The following AGR3 variants were observed in gnomAD, a reference collection of about 807,000 sequenced individuals.
The protein encoded by AGR3 is anterior gradient protein 3.
AGR3 carries 37 observed loss-of-function variants against 24.5 expected under a neutral mutation model. The observed-to-expected ratio is 1.51, with a 90% CI of 1.16 to 1.99. The LOEUF (loss-of-function observed/expected upper bound fraction) is 1.99, where lower values mean the gene tolerates loss of function less well. AGR3 is among the 30% of genes most tolerant of loss of function. The probability of loss-of-function intolerance (pLI) is 0.00; values close to 1 mark genes in which losing one functional copy is unlikely to be tolerated. For synonymous variants in AGR3, 75 were observed against 61.6 expected (o/e 1.22, Z -1.02); for missense variants, 228 against 191.1 (o/e 1.19, Z -1.14).
chr7:16,863,911 G>A (rs1781698657), intron 3 of AGR3, among the ~76,000 whole-genome samples: 1 of 151,610 alleles, frequency 6.6e-6, no homozygotes, highest in South Asian at 2.1e-4. Context: ...CTAAACTCTT[G>A]TATAGTTCAT....
chr7:16,880,324 C>G (rs919645252), intron 1 of AGR3, among the ~76,000 whole-genome samples: 1 of 151,834 alleles, frequency 6.6e-6, no homozygotes, highest in African/African-American at 2.4e-5. Flanking sequence ...TCATGCCCGG[C>G]TAATTTTTGT....
chr7:16,871,514 GA>G (rs1267326321), intron 3 of AGR3, among the ~76,000 whole-genome samples: 1 of 151,866 alleles, frequency 6.6e-6, no homozygotes, highest in Non-Finnish European at 1.5e-5. Context: ...CAAACTAGCT[GA>G]AAAAAAGAAA....
chr7:16,876,032 A>C (rs184962525), intron 2 of AGR3, among the ~76,000 whole-genome samples: 114 of 152,330 alleles, frequency 7.5e-4, no homozygotes, highest in African/African-American at 2.6e-3. Flanking sequence ...CTCCTGCTCA[A>C]TTTAGTTCCA....
chr7:16,873,980 A>G (rs1342404073), intron 2 of AGR3, 137 bp from the exon 3 acceptor site: 12 of 706,692 alleles, frequency 1.7e-5, no homozygotes, highest in Non-Finnish European at 2.9e-5. Flanking sequence ...GGTGCAGAGG[A>G]CACACAATTT....
chr7:16,865,953 CT>C, intron 3 of AGR3: 1 of 691,424 alleles, frequency 1.4e-6, no homozygotes, highest in Non-Finnish European at 2.7e-6. Flanking sequence ...AAGACTTGAG[CT>C]TTTTACCAGG....
At chr7:16,864,592 C>G in intron 3 of AGR3, 1 of 1,487,826 alleles carries the variant, frequency 6.7e-7, no homozygotes, top group Non-Finnish European at 9.4e-7. Context: ...AGCTTGATTT[C>G]TCATTGGAAT....
At chr7:16,865,424 C>G (rs186666309) in intron 3 of AGR3, 1 of 906,354 alleles carries the variant, frequency 1.1e-6, no homozygotes, top group Admixed American at 1.8e-5. Context: ...GAAATTTCAT[C>G]GTAATTGTTG....
chr7:16,880,142 C>A (rs1782081182), intron 1 of AGR3, among the ~76,000 whole-genome samples: 1 of 132,782 alleles, frequency 7.5e-6, no homozygotes, highest in Non-Finnish European at 1.7e-5. Context: ...TTCTCTCTCT[C>A]TTTCTTTCTT....
downstream of AGR3, among the ~76,000 whole-genome samples, chr7:16,859,243 T>A (rs891893634): frequency 1.2e-3 from 168 of 141,938 alleles, 1 homozygote; most frequent in African/African-American, 3.9e-3. Context: ...AAAAAAAAAA[T>A]TTAGAAAATT....
downstream of AGR3, among the ~76,000 whole-genome samples, chr7:16,858,530 A>C (rs1360629181): frequency 1.3e-5 from 2 of 152,138 alleles, no homozygotes; most frequent in African/African-American, 4.8e-5. Flanking sequence ...AAGTAGTTAC[A>C]CTTTTCTTAA....
chr7:16,879,548 A>C (rs10249546), intron 1 of AGR3, among the ~76,000 whole-genome samples: 33,463 of 152,130 alleles, frequency 0.22, 3,773 homozygotes, highest in Middle Eastern at 0.27. Context: ...TTGAAACTTT[A>C]CCTCAAAATA....
rs1359430411 is a variant in AGR3, at chr7:16,864,519, T to A, written c.174-1857A>T. 13 of 1,291,564 alleles carry A rather than the reference T, an allele frequency of 1.0e-5. No individual in the cohort carries two copies. The East Asian group carries it at 3.0e-4, about 30-fold the overall frequency. The allele number at this position is 1,291,564 out of a possible 1,614,324, so 80.0% of individuals were successfully genotyped here. ...GTTCCCTGTCAGTCAGGGCTTCCATTTTCAGTCTTCCGAAGTGTTGCTTCA... is the reference window on the plus strand; with the variant it reads ...GTTCCCTGTCAGTCAGGGCTTCCATATTCAGTCTTCCGAAGTGTTGCTTCA... On this transcript the variant is annotated intron_variant, in intron 3 of 7. Transcript: ENST00000310398.
downstream of AGR3, among the ~76,000 whole-genome samples, chr7:16,856,853 A>G (rs1162921511): frequency 6.6e-6 from 1 of 152,036 alleles, no homozygotes; most frequent in Non-Finnish European, 1.5e-5. Context: ...ACACACACAC[A>G]CACACATTCA....
chr7:16,871,393 T>G (rs1043403022), intron 3 of AGR3, among the ~76,000 whole-genome samples: 3 of 152,206 alleles, frequency 2.0e-5, no homozygotes, highest in Non-Finnish European at 4.4e-5. Context: ...AAAACTAAAA[T>G]GCTTTTTTTT....
intron 7 of AGR3, 112 bp from the exon 8 acceptor site, chr7:16,859,743 T>A: frequency 1.6e-6 from 1 of 644,782 alleles, no homozygotes; most frequent in Non-Finnish European, 2.6e-6. Context: ...GCTTTGAACA[T>A]GGGAATTCGT....
At chr7:16,861,505 A>C in intron 5 of AGR3, 58 bp from the exon 6 acceptor site, 5 of 1,464,004 alleles carry the variant, frequency 3.4e-6, no homozygotes, top group Non-Finnish European at 4.7e-6. Flanking sequence ...TGATAGTTTC[A>C]AGATGATTTT....
chr7:16,866,009 C>G (rs757629740), intron 3 of AGR3: 28 of 655,472 alleles, frequency 4.3e-5, no homozygotes, highest in Non-Finnish European at 7.4e-5. Context: ...CAAGTTCATG[C>G]TAACTTTCTG....
downstream of AGR3, among the ~76,000 whole-genome samples, chr7:16,856,001 C>G (rs1457752752): frequency 6.6e-6 from 1 of 152,070 alleles, no homozygotes; most frequent in Non-Finnish European, 1.5e-5. Context: ...ATACATTCTC[C>G]TTTCATTCAG....
chr7:16,862,668 C>T lies in AGR3; in HGVS notation c.174-6G>A, dbSNP rs1583835943. On this transcript the variant is annotated splice_region_variant and splice_polypyrimidine_tract_variant and intron_variant, in intron 3 of 7. Transcript: ENST00000310398. ...TAACCATTAATGGCTTCTTACTAAA[C>T]AAAGAAAGTATGGAATTAAGTCAAA... is the stretch of plus-strand genomic sequence containing the variant. 6.5e-7 allele frequency: 1 copy of T among 1,541,018 alleles called. No individual in the cohort carries two copies. The highest frequency in any genetic ancestry group is 8.7e-7 in the Non-Finnish European group (1 of 1,149,492).
Sources: allele counts gnomAD v4.1 joint callset (sites outside exome capture counted in the v4.1 genomes callset), GRCh38; gene constraint gnomAD v4.1.1; transcripts MANE v1.5; gene names NCBI Gene and HGNC (gene_info 2026-07-23, HGNC 2026-07-21).